SRRM4: variants seen among roughly 807,000 people sequenced by gnomAD.
SRRM4 encodes the protein serine/arginine repetitive matrix 4.
Under a neutral mutation model 68.9 loss-of-function variants are expected in SRRM4, and 33 were observed. The ratio of observed to expected loss-of-function variants is 0.48; its 90% confidence interval spans 0.36 to 0.64. The LOEUF (loss-of-function observed/expected upper bound fraction) is 0.64, where lower values mean the gene tolerates loss of function less well. Among genes scored for constraint, SRRM4 ranks in the 30% least tolerant of loss-of-function variants. The probability of loss-of-function intolerance (pLI) is 0.00; values close to 1 mark genes in which losing one functional copy is unlikely to be tolerated. For missense variants in SRRM4, 817 were observed against 827.1 expected (o/e 0.99, Z 0.15); for synonymous variants, 318 against 318.8 (o/e 1.00, Z 0.03).
intron 1 of SRRM4, among the ~76,000 whole-genome samples, chr12:119,059,576 T>C (rs145766641): frequency 8.1e-4 from 123 of 152,172 alleles, no homozygotes; most frequent in Non-Finnish European, 1.4e-3. Context: ...ATTAGGGAAA[T>C]GTCTCCCTGG....
chr12:119,050,016 AT>A (rs1254195596), intron 1 of SRRM4, among the ~76,000 whole-genome samples: 1 of 152,216 alleles, frequency 6.6e-6, no homozygotes, highest in Non-Finnish European at 1.5e-5. Flanking sequence ...GAGAGACACA[AT>A]TCAGCCTCAA....
intron 1 of SRRM4, 121 bp from the exon 2 acceptor site, chr12:119,102,115 C>A: frequency 1.0e-6 from 1 of 991,842 alleles, no homozygotes; most frequent in Non-Finnish European, 1.5e-6. Flanking sequence ...AAGATAATCT[C>A]ATGGGCTCAA....
At chr12:119,152,768 C>T (rs1954447592) in intron 10 of SRRM4, among the ~76,000 whole-genome samples, 1 of 152,184 alleles carries the variant, frequency 6.6e-6, no homozygotes, top group Non-Finnish European at 1.5e-5. Context: ...GCTGAGGGCA[C>T]TGAGAAGGGA....
At position 119,062,807 on chromosome 12, in the gene SRRM4, T is replaced by A. The variant is rs528584918; in HGVS notation, c.132-39429T>A. 2.6e-5 allele frequency among the ~76,000 whole-genome samples: 4 copies of A among 152,250 alleles called. No homozygotes were observed. The South Asian group carries it at 8.3e-4, about 31-fold the overall frequency. On this transcript the variant is annotated intron_variant, in intron 1 of 12. Transcript: ENST00000267260. ...CTGTTATGCAGTGCACAGCCATGCC[T>A]GGATTTGAATCCTGGCTCTGCCACT...
rs369301307 is a variant in SRRM4, at chr12:119,065,856, AATGGGTGG to A, written c.132-36363_132-36356del. Among the ~76,000 whole-genome samples the A allele has an allele frequency of 4.0e-3, 600 of 151,888 alleles. 1 individual carries two copies. Among genetic ancestry groups the A allele is most frequent in the African/African-American group, 0.013 (551 of 41,424 alleles). ...GGATGAGTGGATGGATGGATGCATA[AATGGGTGG>A]ATGGGTGGATGGGTGGGTGACTGGA... On this transcript the variant is annotated intron_variant, in intron 1 of 12. Coordinates refer to ENST00000267260, the MANE Select transcript of SRRM4 (RefSeq NM_194286.4).
intron 1 of SRRM4, among the ~76,000 whole-genome samples, chr12:119,095,181 GACATTATTA>G (rs1954035772): frequency 6.6e-6 from 1 of 152,164 alleles, no homozygotes. Flanking sequence ...CTCAGGCCAG[GACATTATTA>G]ACACAGCCCA....
chr12:119,117,577 T>C (rs961291028), intron 4 of SRRM4, among the ~76,000 whole-genome samples: 1 of 150,128 alleles, frequency 6.7e-6, no homozygotes, highest in African/African-American at 2.4e-5. Flanking sequence ...ACTGGGCCCA[T>C]GTTCCTGGTG....
At chr12:119,031,017 T>G (rs972533788) in intron 1 of SRRM4, 1 of 152,242 alleles carries the variant, frequency 6.6e-6, no homozygotes, top group Non-Finnish European at 1.5e-5. Flanking sequence ...TATGTACTGC[T>G]GGGTAATAAG....
chr12:119,009,389 A>T (rs539838506), intron 1 of SRRM4, among the ~76,000 whole-genome samples: 2 of 152,286 alleles, frequency 1.3e-5, no homozygotes, highest in South Asian at 4.1e-4. Context: ...CCTGTCTCAG[A>T]GGGCCAGATC....
intron 1 of SRRM4, among the ~76,000 whole-genome samples, chr12:119,003,762 A>T (rs1276458703): frequency 1.3e-5 from 2 of 151,976 alleles, no homozygotes; most frequent in African/African-American, 2.4e-5. Flanking sequence ...CTCCACCTTC[A>T]TATCTCAGTG....
Position 119,043,258 on chromosome 12 carries a change from G to A in SRRM4, c.132-58978G>A, listed in dbSNP as rs575576304. Reference sequence around the variant, plus strand: ...TTTGCAGGGCCATGGATGGAGCTGGGAGCCATTATCCTCAGCAAACTCACG... The same window carrying A: ...TTTGCAGGGCCATGGATGGAGCTGGAAGCCATTATCCTCAGCAAACTCACG... On this transcript the variant is annotated intron_variant, in intron 1 of 12. Transcript: ENST00000267260. 3.4e-4 allele frequency among the ~76,000 whole-genome samples: 51 copies of A among 152,222 alleles called. 1 individual carries two copies. The highest frequency in any genetic ancestry group is 5.9e-4 in the Non-Finnish European group (40 of 68,008).
At chr12:119,063,722 T>C (rs1953828564) in intron 1 of SRRM4, among the ~76,000 whole-genome samples, 1 of 152,230 alleles carries the variant, frequency 6.6e-6, no homozygotes, top group Non-Finnish European at 1.5e-5. Flanking sequence ...CTGGGAAATA[T>C]TATGAGTAAG....
intron 2 of SRRM4, 88 bp from the exon 3 acceptor site, chr12:119,114,190 A>T (rs1231225744): frequency 3.6e-6 from 4 of 1,113,354 alleles, no homozygotes; most frequent in Non-Finnish European, 5.3e-6. Context: ...TCATCCAAGG[A>T]CCTGGGTCCT....
At chr12:119,087,709 C>T (rs559972746) in intron 1 of SRRM4, among the ~76,000 whole-genome samples, 14 of 152,146 alleles carry the variant, frequency 9.2e-5, no homozygotes, top group African/African-American at 3.4e-4. Context: ...TAGCAGTCAG[C>T]ATGGGGGATG....
rs1009666891 is a variant in SRRM4 at position 119,034,853 on chromosome 12, C to T, written c.131+52840C>T. Among the ~76,000 whole-genome samples, 179 of 152,220 alleles carry T rather than the reference C, an allele frequency of 1.2e-3. 1 individual carries two copies. The highest frequency in any genetic ancestry group is 1.9e-4 in the Non-Finnish European group (13 of 68,014). ...ATTCCTAATCATTTTTTTGTCATAT[C>T]CCTTAAAAATTCATATAATAGACTT... On this transcript the variant is annotated intron_variant, in intron 1 of 12. Coordinates refer to ENST00000267260, the MANE Select transcript of SRRM4 (RefSeq NM_194286.4).
chr12:119,145,620 C>T lies in SRRM4; in HGVS notation c.1011C>T (p.Ser337=), dbSNP rs774958862. The T allele has an allele frequency of 1.3e-6, 2 of 1,559,554 alleles. No homozygotes were observed. Among genetic ancestry groups the T allele is most frequent in the Non-Finnish European group, 1.7e-6 (2 of 1,154,516 alleles). The stretch of plus-strand genomic sequence containing the variant: ...ATTCAGGGAACTCCTTCACCACCTC[C>T]TCACCCCAGAACAAGGGGGCCATGT... ...TSDSGNSFTT[S]SPQNKGAMLE... is the part of the protein sequence containing the mutation. The change falls in exon 9 of 13, where the codon TCC becomes TCT. Residue 337 remains serine, a synonymous_variant. Transcript: ENST00000267260.
At chr12:119,147,372 A>G (rs1308900216) in intron 9 of SRRM4, among the ~76,000 whole-genome samples, 1 of 152,216 alleles carries the variant, frequency 6.6e-6, no homozygotes, top group Non-Finnish European at 1.5e-5. Context: ...TCTGTGTGAC[A>G]CTACAATGGT....
chr12:119,103,088 CA>C (rs201623953), intron 2 of SRRM4, among the ~76,000 whole-genome samples: 16 of 148,642 alleles, frequency 1.1e-4, no homozygotes, highest in South Asian at 1.1e-3. Context: ...TACTGAAAAA[CA>C]AAAAAAAAAT....
intron 8 of SRRM4, among the ~76,000 whole-genome samples, chr12:119,139,107 C>T (rs539698567): frequency 3.3e-5 from 5 of 152,200 alleles, no homozygotes; most frequent in Non-Finnish European, 7.4e-5. Context: ...TATGAGAGGC[C>T]TATTATATAA....
Sources: allele counts gnomAD v4.1 joint callset (sites outside exome capture counted in the v4.1 genomes callset), GRCh38; gene constraint gnomAD v4.1.1; transcripts MANE v1.5; gene names NCBI Gene and HGNC (gene_info 2026-07-23, HGNC 2026-07-21).